SPART: variants seen among roughly 807,000 people sequenced by gnomAD.
The protein encoded by SPART is spartin, also known as spastic paraplegia 20 (Troyer syndrome).
SPART carries 35 observed loss-of-function variants against 58.7 expected under a neutral mutation model. The ratio of observed to expected loss-of-function variants is 0.60; its 90% confidence interval spans 0.46 to 0.79. The LOEUF is 0.79. Ranked by LOEUF, SPART falls within the 30% of genes least tolerant of loss-of-function variation. The probability of loss-of-function intolerance (pLI) is 0.00; values close to 1 mark genes in which losing one functional copy is unlikely to be tolerated. For synonymous variants in SPART, 284 were observed against 280.7 expected (o/e 1.01, Z -0.12); for missense variants, 730 against 786.1 (o/e 0.93, Z 0.85).
At position 36,327,393 on chromosome 13, in the gene SPART, A is replaced by G. The variant is rs1357264500; in HGVS notation, c.1165-695T>C. 2.0e-5 allele frequency among the ~76,000 whole-genome samples: 3 copies of G among 152,238 alleles called. No individual in the cohort carries two copies. The East Asian group carries it at 5.8e-4, about 29-fold the overall frequency. ...CAAAGAATGTCACATAAAATATAAA[A>G]ACAACATTAAACAAAACAACTTCTA... On this transcript the variant is annotated intron_variant, in intron 4 of 8. Transcript: ENST00000438666.
intron 1 of SPART, among the ~76,000 whole-genome samples, chr13:36,355,316 A>T (rs1426815379): frequency 2.0e-5 from 3 of 152,292 alleles, no homozygotes; most frequent in Non-Finnish European, 2.9e-5. Context: ...ATGCACCACC[A>T]TGCCTAGCTC....
intron 5 of SPART, among the ~76,000 whole-genome samples, chr13:36,320,150 C>G (rs918357362): frequency 7.2e-5 from 11 of 152,134 alleles, no homozygotes; most frequent in Admixed American, 6.5e-4. Flanking sequence ...CTATGCTCAA[C>G]TCACTCTCTA....
chr13:36,363,650 A>G (rs575314625), intron 1 of SPART, among the ~76,000 whole-genome samples: 1 of 152,302 alleles, frequency 6.6e-6, no homozygotes, highest in East Asian at 1.9e-4. Context: ...TAGCCATGAA[A>G]TAATGTCAGC....
intron 6 of SPART, among the ~76,000 whole-genome samples, chr13:36,313,472 T>G (rs527722585): frequency 3.9e-5 from 6 of 152,338 alleles, no homozygotes; most frequent in African/African-American, 1.2e-4. Context: ...TATAGTAATG[T>G]CCTAGGCCTT....
chr13:36,304,321 A>T lies in SPART; in HGVS notation c.*44T>A, dbSNP rs1159948051. 1 of 1,612,754 alleles carries T rather than the reference A, an allele frequency of 6.2e-7. No homozygotes were observed. The highest frequency in any genetic ancestry group is 8.5e-7 in the Non-Finnish European group (1 of 1,179,154). On this transcript the variant is annotated 3_prime_UTR_variant, in exon 9 of 9. Transcript: ENST00000438666. The stretch of plus-strand genomic sequence containing the variant: ...ACATTTGCCTATTTAACAAAATTTC[A>T]TCCATTTCATAAGGCTTTGGTATAA...
At chr13:36,349,941 T>G (rs1386376213), upstream of SPART, among the ~76,000 whole-genome samples, 2 of 152,196 alleles carry the variant, frequency 1.3e-5, no homozygotes, top group African/African-American at 4.8e-5. Flanking sequence ...TGATTCACTT[T>G]TATTATTTTC....
At position 36,302,285 on chromosome 13, in the gene SPART, C is replaced by T. The variant is rs568840661; in HGVS notation, c.*2080G>A. On this transcript the variant is annotated 3_prime_UTR_variant, in exon 9 of 9. Transcript: ENST00000438666. ...TATAAAAAAAATCTTTAGAAGATGC[C>T]TATCTCCTAATGAGTCAGTGAATGG... 2.7e-4 allele frequency: 41 copies of T among 152,184 alleles called. No homozygotes were observed. The highest frequency in any genetic ancestry group is 8.9e-4 in the African/African-American group (37 of 41,518). The allele number at this position is 152,184 out of a possible 1,614,324, so 9.4% of individuals were successfully genotyped here.
chr13:36,357,664 G>A (rs1885675993), intron 1 of SPART, among the ~76,000 whole-genome samples: 1 of 152,166 alleles, frequency 6.6e-6, no homozygotes, highest in Non-Finnish European at 1.5e-5. Context: ...TTATGTTCAG[G>A]TATTCTCTGT....
chr13:36,306,112 G>A (rs889100260), intron 8 of SPART, among the ~76,000 whole-genome samples: 9 of 152,186 alleles, frequency 5.9e-5, no homozygotes, highest in Admixed American at 2.6e-4. Flanking sequence ...GCACACAGCA[G>A]AGCCTAGTCT....
chr13:36,331,295 C>G, intron 3 of SPART, 104 bp downstream of exon 3: 3 of 986,922 alleles, frequency 3.0e-6, no homozygotes, highest in Non-Finnish European at 4.9e-6. Flanking sequence ...AACTGTCAGT[C>G]TCCTAACCTT....
intron 1 of SPART, among the ~76,000 whole-genome samples, chr13:36,356,556 C>T (rs530576827): frequency 1.3e-5 from 2 of 152,222 alleles, no homozygotes; most frequent in Admixed American, 6.5e-5. Flanking sequence ...AACCGTTGAC[C>T]AGAAAATGTT....
intron 1 of SPART, among the ~76,000 whole-genome samples, chr13:36,342,776 C>A (rs545565326): frequency 3.9e-5 from 6 of 152,248 alleles, no homozygotes; most frequent in South Asian, 4.1e-4. Flanking sequence ...CATACACCAA[C>A]GACATGTGTA....
intron 3 of SPART, among the ~76,000 whole-genome samples, chr13:36,330,929 G>A (rs186550679): frequency 7.4e-4 from 112 of 152,166 alleles, no homozygotes; most frequent in African/African-American, 2.5e-3. Context: ...ATCTACTAAA[G>A]CTAAAATTAT....
rs539271335 is a variant in SPART at position 36,352,036 on chromosome 13, C to T, written c.-2-16204G>A. Among the ~76,000 whole-genome samples the T allele has an allele frequency of 3.2e-4, 49 of 152,188 alleles. 1 individual carries two copies. Among genetic ancestry groups the T allele is most frequent in the South Asian group, 2.9e-3 (14 of 4,818 alleles). ...AATTGCTCCAAGCTCATGTTGAAAT[C>T]AGTGGGATGACTCGATGTAAACTAA... On this transcript the variant is annotated intron_variant, in intron 1 of 8. Transcript: ENST00000355182.
intron 1 of SPART, among the ~76,000 whole-genome samples, chr13:36,359,521 T>A (rs1885755248): frequency 1.3e-5 from 2 of 152,142 alleles, no homozygotes; most frequent in Admixed American, 6.5e-5. Context: ...GCTGTTTGAG[T>A]CCTAACAGTC....
intron 8 of SPART, among the ~76,000 whole-genome samples, chr13:36,309,311 G>C (rs989793541): frequency 2.0e-5 from 3 of 151,194 alleles, no homozygotes; most frequent in Admixed American, 1.3e-4. Flanking sequence ...TCAAAGGTAT[G>C]TATGTCCCAG....
chr13:36,326,891 G>C (rs1882990574), intron 4 of SPART, among the ~76,000 whole-genome samples, 193 bp from the exon 5 acceptor site: 1 of 151,810 alleles, frequency 6.6e-6, no homozygotes, highest in Non-Finnish European at 1.5e-5. Context: ...AACTGTTCTG[G>C]TCCATATAAA....
chr13:36,330,328 T>A (rs867842475), intron 3 of SPART, among the ~76,000 whole-genome samples: 5 of 152,160 alleles, frequency 3.3e-5, no homozygotes, highest in Admixed American at 3.3e-4. Context: ...TGTATGCTGA[T>A]CATGTATTTT....
At chr13:36,312,117 TTA>T (rs1443359659) in intron 8 of SPART, 26 bp downstream of exon 8, 8 of 1,588,130 alleles carry the variant, frequency 5.0e-6, no homozygotes, top group African/African-American at 2.7e-5. Flanking sequence ...AAACAGAGAT[TTA>T]GTCATTAAAA....
Sources: gnomAD v4.1 joint callset for allele counts (sites outside exome capture counted in the v4.1 genomes callset) on GRCh38, gnomAD v4.1.1 for gene constraint, MANE v1.5 for transcripts, NCBI Gene and HGNC (gene_info 2026-07-23, HGNC 2026-07-21) for gene names.